Variants in ANKRD30A observed in about 807,000 individuals in gnomAD.
The protein encoded by ANKRD30A is ankyrin repeat domain-containing protein 30A.
ANKRD30A carries 170 observed loss-of-function variants against 166.3 expected under a neutral mutation model. The observed-to-expected ratio is 1.02, with a 90% CI of 0.90 to 1.16. The LOEUF (loss-of-function observed/expected upper bound fraction) is 1.16, where lower values mean the gene tolerates loss of function less well. Among genes scored for constraint, ANKRD30A ranks in the 50% most tolerant of loss-of-function variants. The pLI is 0.00. For missense variants in ANKRD30A, 1,630 were observed against 1,518.0 expected, an observed-to-expected ratio of 1.07 and a Z score of -1.23; for synonymous variants, 564 against 508.9, an observed-to-expected ratio of 1.11 and a Z score of -1.46.
the ANKRD30A span, among the ~76,000 whole-genome samples, chr10:37,238,211 C>T: frequency 1.3e-5 from 2 of 152,162 alleles, no homozygotes; most frequent in Admixed American, 6.5e-5. Flanking sequence ...AAGTTACCCT[C>T]AGCAGTTCTT....
At chr10:37,161,507 CAG>C (rs918305221) in intron 15 of ANKRD30A, among the ~76,000 whole-genome samples, 38 of 151,592 alleles carry the variant, frequency 2.5e-4, no homozygotes, top group African/African-American at 8.0e-4. Context: ...AGGCAGGTGA[CAG>C]GGGACAAACA....
intron 21 of ANKRD30A, among the ~76,000 whole-genome samples, chr10:37,172,079 C>T (rs1457388383): frequency 7.2e-6 from 1 of 139,798 alleles, no homozygotes; most frequent in Non-Finnish European, 1.6e-5. Context: ...GGTGCGGTGG[C>T]TCACGTCTGT....
the ANKRD30A span, among the ~76,000 whole-genome samples, chr10:37,246,831 G>A: frequency 6.6e-6 from 1 of 152,274 alleles, no homozygotes; most frequent in Non-Finnish European, 1.5e-5. Flanking sequence ...ATGCTTACCA[G>A]ATCCTGCCCA....
chr10:37,246,620 TA>T, the ANKRD30A span, among the ~76,000 whole-genome samples: 2 of 152,232 alleles, frequency 1.3e-5, no homozygotes, highest in Non-Finnish European at 2.9e-5. Context: ...TCGGCCAGGC[TA>T]GTAGCCAGGG....
At chr10:37,172,979 CTTT>C (rs1203679919) in intron 21 of ANKRD30A, among the ~76,000 whole-genome samples, 2 of 152,174 alleles carry the variant, frequency 1.3e-5, no homozygotes, top group African/African-American at 2.4e-5. Flanking sequence ...AATAAGATTG[CTTT>C]TTAAGATAAA....
At chr10:37,147,742 A>G (rs553475035) in intron 9 of ANKRD30A, among the ~76,000 whole-genome samples, 1 of 150,844 alleles carries the variant, frequency 6.6e-6, no homozygotes, top group East Asian at 2.0e-4. Context: ...AATGAAGACT[A>G]AAGAAGGCAG....
the ANKRD30A span, among the ~76,000 whole-genome samples, chr10:37,246,291 G>A: frequency 6.6e-6 from 1 of 152,144 alleles, no homozygotes; most frequent in Non-Finnish European, 1.5e-5. Flanking sequence ...TTTGTTACTT[G>A]TGTTGAATTG....
At chr10:37,179,303 A>C (rs1190250840) in intron 24 of ANKRD30A, among the ~76,000 whole-genome samples, 18 of 150,828 alleles carry the variant, frequency 1.2e-4, no homozygotes, top group African/African-American at 4.4e-4. Flanking sequence ...TACTGATTTT[A>C]ACGTAGAAAA....
chr10:37,156,536 T>C (rs1838399313), intron 13 of ANKRD30A, among the ~76,000 whole-genome samples: 1 of 152,212 alleles, frequency 6.6e-6, no homozygotes, highest in Non-Finnish European at 1.5e-5. Context: ...TGAGCTCACC[T>C]TTACTGTTTC....
chr10:37,232,356 T>C (rs921712243), intron 35 of ANKRD30A, 143 bp from the exon 36 acceptor site: 1 of 151,766 alleles, frequency 6.6e-6, no homozygotes, highest in African/African-American at 2.4e-5. Context: ...TGAAAATAGC[T>C]AAATCAACTC....
intron 11 of ANKRD30A, 76 bp downstream of exon 11, chr10:37,149,925 G>A: frequency 1.3e-6 from 2 of 1,570,910 alleles, no homozygotes; most frequent in Admixed American, 3.6e-5. Context: ...TATCCCCAAT[G>A]CTTTATTTTT....
chr10:37,193,217 C>CT lies in ANKRD30A; in HGVS notation c.2574dup (p.Lys859Ter). The CT allele has an allele frequency of 1.2e-6, 2 of 1,611,904 alleles. No individual in the cohort carries two copies. The highest frequency in any genetic ancestry group is 1.7e-6 in the Non-Finnish European group (2 of 1,179,332). Reference sequence around the variant, plus strand: ...TGCAGAATGAAAGTTTCTATTCCAACTAAAGCCTTAGAATTGATGGACATG... The same window carrying CT: ...TGCAGAATGAAAGTTTCTATTCCAACTTAAAGCCTTAGAATTGATGGACATG... On this transcript the variant is annotated frameshift_variant, in exon 27 of 36. Transcript: ENST00000361713. LOFTEE classifies it high-confidence loss of function.
chr10:37,258,521 T>A, the ANKRD30A span, among the ~76,000 whole-genome samples: 1 of 152,172 alleles, frequency 6.6e-6, no homozygotes, highest in South Asian at 2.1e-4. Context: ...GAAACAATAA[T>A]CTTTTCAATA....
intron 34 of ANKRD30A, 69 bp downstream of exon 34, chr10:37,219,966 G>T: frequency 1.8e-6 from 2 of 1,097,646 alleles, no homozygotes; most frequent in South Asian, 4.6e-5. Flanking sequence ...ATTTGGCCTT[G>T]GCTAAATGCT....
chr10:37,190,588 G>C (rs1382023151), intron 25 of ANKRD30A, among the ~76,000 whole-genome samples: 1 of 151,810 alleles, frequency 6.6e-6, no homozygotes, highest in Admixed American at 6.6e-5. Flanking sequence ...TGCTAAAGCA[G>C]AGAGATTGTG....
At chr10:37,201,184 C>CATTATTAGG in intron 30 of ANKRD30A, 51 bp from the exon 31 acceptor site, 1 of 1,364,250 alleles carries the variant, frequency 7.3e-7, no homozygotes, top group Non-Finnish European at 9.9e-7. Context: ...TGATAATCTT[C>CATTATTAGG]ATTATTAGGA....
downstream of ANKRD30A, chr10:37,232,602 G>C (rs957927816): frequency 1.5e-5 from 2 of 136,582 alleles, no homozygotes; most frequent in Non-Finnish European, 3.1e-5. Context: ...AATTTCTGGA[G>C]ATCCCAAAAT....
chr10:37,243,305 T>G, the ANKRD30A span, among the ~76,000 whole-genome samples: 22 of 151,046 alleles, frequency 1.5e-4, no homozygotes, highest in Non-Finnish European at 3.0e-4. Flanking sequence ...CACCTTTTTT[T>G]TTTTTTTTTT....
chr10:37,154,154 G>T (rs1838179728), intron 13 of ANKRD30A, among the ~76,000 whole-genome samples: 1 of 152,106 alleles, frequency 6.6e-6, no homozygotes, highest in South Asian at 2.1e-4. Context: ...TCACTGGTGG[G>T]AAGCCATTAG....
Sources: gnomAD v4.1 joint callset for allele counts (sites outside exome capture counted in the v4.1 genomes callset) on GRCh38, gnomAD v4.1.1 for gene constraint, MANE v1.5 for transcripts, NCBI Gene and HGNC (gene_info 2026-07-23, HGNC 2026-07-21) for gene names.